FBXL20: variants seen among roughly 807,000 people sequenced by gnomAD.
The protein encoded by FBXL20 is F-box and leucine rich repeat protein 20.
FBXL20 carries 11 observed loss-of-function variants against 64.0 expected under a neutral mutation model. The observed-to-expected ratio is 0.17, with a 90% confidence interval of 0.11 to 0.28. FBXL20 has a LOEUF of 0.28. Among genes scored for constraint, FBXL20 ranks in the 10% least tolerant of loss-of-function variants. The pLI, the probability that FBXL20 is intolerant of heterozygous loss-of-function variation, is 1.00. For missense variants in FBXL20, 303 were observed against 526.2 expected (o/e 0.58, Z 4.15); for synonymous variants, 184 against 189.0 (o/e 0.97, Z 0.22).
intron 1 of FBXL20, among the ~76,000 whole-genome samples, chr17:39,377,026 T>C (rs902733119): frequency 3.3e-5 from 5 of 152,194 alleles, no homozygotes; most frequent in African/African-American, 1.2e-4. Context: ...AACAGCCCTT[T>C]CCCAAAGCAG....
chr17:39,360,928 C>T, intron 1 of FBXL20, among the ~76,000 whole-genome samples: 1 of 152,170 alleles, frequency 6.6e-6, no homozygotes, highest in East Asian at 1.9e-4. Context: ...TGTATTAATA[C>T]ATGACATGGG....
chr17:39,371,154 G>A (rs1355595828), intron 1 of FBXL20, among the ~76,000 whole-genome samples: 1 of 152,094 alleles, frequency 6.6e-6, no homozygotes, highest in Non-Finnish European at 1.5e-5. Flanking sequence ...GGAGGCGGAG[G>A]TTGTGGTAAG....
At chr17:39,387,127 C>T (rs2048088872) in intron 1 of FBXL20, among the ~76,000 whole-genome samples, 1 of 152,096 alleles carries the variant, frequency 6.6e-6, no homozygotes, top group Non-Finnish European at 1.5e-5. Context: ...TTTCAGTAGT[C>T]ATTAAGTTAC....
intron 1 of FBXL20, among the ~76,000 whole-genome samples, chr17:39,363,810 C>CAAAAAAAAAAAA (rs71372113): frequency 2.3e-4 from 6 of 26,626 alleles, no homozygotes; most frequent in Non-Finnish European, 2.5e-4. Context: ...GACTTTATCT[C>CAAAAAAAAAAAA]AAAAAAAAAA....
At chr17:39,315,868 A>AGAGAGAGAGAGAGAGAGC (rs368094288) in intron 2 of FBXL20, among the ~76,000 whole-genome samples, 3 of 144,594 alleles carry the variant, frequency 2.1e-5, no homozygotes, top group Non-Finnish European at 3.0e-5. Flanking sequence ...AGAGAGAGAG[A>AGAGAGAGAGAGAGAGAGC]GAGCAACTGT....
chr17:39,336,676 T>G (rs559303566), intron 2 of FBXL20, among the ~76,000 whole-genome samples: 168 of 151,834 alleles, frequency 1.1e-3, no homozygotes, highest in Non-Finnish European at 2.1e-3. Context: ...ATACAAAAAT[T>G]AGCCCAGTGT....
chr17:39,399,895 G>A (rs570405987), intron 1 of FBXL20, among the ~76,000 whole-genome samples: 1 of 152,194 alleles, frequency 6.6e-6, no homozygotes, highest in African/African-American at 2.4e-5. Flanking sequence ...TAATTCCACA[G>A]GCAAAAGACT....
At chr17:39,343,314 AG>A (rs1255053046) in intron 1 of FBXL20, 73 bp from the exon 2 acceptor site, 1 of 1,066,952 alleles carries the variant, frequency 9.4e-7, no homozygotes, top group African/African-American at 1.6e-5. Context: ...AATAGTTTAG[AG>A]GCAATTCTCT....
intron 12 of FBXL20, among the ~76,000 whole-genome samples, chr17:39,266,351 C>A (rs1472158318): frequency 6.6e-6 from 1 of 152,020 alleles, no homozygotes; most frequent in Non-Finnish European, 1.5e-5. Context: ...TCCCAAGTAG[C>A]TGGGATTATA....
At position 39,401,533 on chromosome 17, in the gene FBXL20, G is replaced by A; in HGVS notation, c.-131C>T. 2 of 1,446,236 alleles carry A rather than the reference G, an allele frequency of 1.4e-6. No individual in the cohort carries two copies. Among genetic ancestry groups the A allele is most frequent in the Non-Finnish European group, 1.8e-6 (2 of 1,110,902 alleles). The allele number at this position is 1,446,236 out of a possible 1,614,324, so 89.6% of individuals were successfully genotyped here. On this transcript the variant is annotated 5_prime_UTR_variant, in exon 1 of 15. Coordinates refer to ENST00000264658, the MANE Select transcript of FBXL20 (RefSeq NM_032875.3). ...GGGGTGACGCCGGGACCGTGGGACG[G>A]GAACAAGAGACCTCTCGGCTCCGGC...
chr17:39,305,758 G>A (rs548152938), intron 2 of FBXL20, among the ~76,000 whole-genome samples: 1 of 152,166 alleles, frequency 6.6e-6, no homozygotes, highest in Admixed American at 6.6e-5. Flanking sequence ...GGCTGAGGTG[G>A]GTGGGTCATC....
At chr17:39,395,648 A>C (rs1287025391) in intron 1 of FBXL20, among the ~76,000 whole-genome samples, 1 of 152,242 alleles carries the variant, frequency 6.6e-6, no homozygotes, top group African/African-American at 2.4e-5. Flanking sequence ...GGTTTTCAAA[A>C]GAAACAAATT....
At chr17:39,287,429 A>G (rs1288905468) in intron 6 of FBXL20, among the ~76,000 whole-genome samples, 1 of 151,596 alleles carries the variant, frequency 6.6e-6, no homozygotes, top group Non-Finnish European at 1.5e-5. Context: ...TTTGTTACAG[A>G]CAGGGTCTCA....
chr17:39,307,141 G>A (rs2047190587), intron 2 of FBXL20, among the ~76,000 whole-genome samples: 1 of 152,178 alleles, frequency 6.6e-6, no homozygotes, highest in African/African-American at 2.4e-5. Flanking sequence ...CTGATTTGGA[G>A]GGTGGTGAGT....
intron 1 of FBXL20, among the ~76,000 whole-genome samples, chr17:39,353,203 T>C (rs1164438377): frequency 6.6e-6 from 1 of 152,144 alleles, no homozygotes; most frequent in Admixed American, 6.5e-5. Context: ...ACTTTTAATT[T>C]GGGTCTCTGA....
chr17:39,365,618 C>G (rs35269184), intron 1 of FBXL20, among the ~76,000 whole-genome samples: 7,925 of 146,020 alleles, frequency 0.054, 672 homozygotes, highest in African/African-American at 0.2. Flanking sequence ...ATGTCCACTA[C>G]CAATTCACTG....
intron 2 of FBXL20, among the ~76,000 whole-genome samples, chr17:39,309,593 A>G (rs550684251): frequency 6.6e-6 from 1 of 152,178 alleles, no homozygotes; most frequent in Non-Finnish European, 1.5e-5. Flanking sequence ...ACCTGAGGTC[A>G]GGAGTTCGAG....
At chr17:39,382,336 G>C (rs186698168) in intron 1 of FBXL20, among the ~76,000 whole-genome samples, 5 of 150,612 alleles carry the variant, frequency 3.3e-5, no homozygotes, top group Admixed American at 2.7e-4. Flanking sequence ...CCAGCTGCTG[G>C]GGAGGCTGAG....
intron 1 of FBXL20, among the ~76,000 whole-genome samples, chr17:39,358,623 A>G (rs1323552715): frequency 6.6e-6 from 1 of 152,038 alleles, no homozygotes; most frequent in Non-Finnish European, 1.5e-5. Context: ...TGGGGGTTGC[A>G]GTGAGCTGAG....
Sources: gnomAD v4.1 joint callset for allele counts (sites outside exome capture counted in the v4.1 genomes callset) on GRCh38, gnomAD v4.1.1 for gene constraint, MANE v1.5 for transcripts, NCBI Gene and HGNC (gene_info 2026-07-23, HGNC 2026-07-21) for gene names.